MIAT: variants seen among roughly 807,000 people sequenced by gnomAD.
The protein encoded by MIAT is MI related novel mRNA.
intron 2 of MIAT, among the ~76,000 whole-genome samples, chr22:26,660,493 A>G (rs1016721173): frequency 6.6e-6 from 1 of 151,808 alleles, no homozygotes; most frequent in Non-Finnish European, 1.5e-5. Context: ...AAGAAGAAGA[A>G]GAAAAGAAAT....
intron 2 of MIAT, among the ~76,000 whole-genome samples, chr22:26,656,924 AAAT>A (rs749827398): frequency 1.3e-5 from 2 of 152,172 alleles, no homozygotes; most frequent in Non-Finnish European, 2.9e-5. Context: ...CAATAAGAAT[AAAT>A]AATAATAAAA....
chr22:26,663,200 G>C (rs1930732457), intron 2 of MIAT: 3 of 396,244 alleles, frequency 7.6e-6, no homozygotes, highest in Non-Finnish European at 1.3e-5. Context: ...TGCATCCAAG[G>C]AGATCAGTTT....
At chr22:26,666,123 G>A in exon 4 of MIAT, 1 of 398,634 alleles carries the variant, frequency 2.5e-6, no homozygotes, top group Non-Finnish European at 4.4e-6. Flanking sequence ...CCACTCCCGG[G>A]TGCTGACAGC....
chr22:26,648,097 C>A (rs1379947732), intron 2 of MIAT, among the ~76,000 whole-genome samples: 1 of 152,118 alleles, frequency 6.6e-6, no homozygotes, highest in Non-Finnish European at 1.5e-5. Context: ...GGGAAGGCAG[C>A]CGCTGTGCTG....
At chr22:26,648,890 A>AGAGAGAGAGAGAGT (rs1930287069) in intron 2 of MIAT, among the ~76,000 whole-genome samples, 1 of 149,328 alleles carries the variant, frequency 6.7e-6, no homozygotes, top group Admixed American at 6.7e-5. Context: ...TGAGAGAGAA[A>AGAGAGAGAGAGAGT]GAGAGAGAGA....
downstream of MIAT, chr22:26,670,641 A>C: frequency 2.5e-6 from 1 of 396,486 alleles, no homozygotes. Context: ...GTTCTAATTC[A>C]AATTCCGCTG....
At chr22:26,648,841 A>G (rs1267704792) in intron 2 of MIAT, among the ~76,000 whole-genome samples, 1 of 152,142 alleles carries the variant, frequency 6.6e-6, no homozygotes, top group Non-Finnish European at 1.5e-5. Flanking sequence ...CTAACCAGGT[A>G]TAAGAACTCT....
At chr22:26,661,486 T>A (rs5752377) in intron 2 of MIAT, among the ~76,000 whole-genome samples, 26,251 of 151,950 alleles carry the variant, frequency 0.17, 2,535 homozygotes, top group South Asian at 0.31. Flanking sequence ...AGATGATGAG[T>A]AGTAACTAAC....
chr22:26,664,629 T>C (rs544295002), intron 3 of MIAT, among the ~76,000 whole-genome samples: 7 of 152,356 alleles, frequency 4.6e-5, no homozygotes, highest in African/African-American at 1.7e-4. Context: ...GCCTAGCTTC[T>C]TTCCCTCAGC....
chr22:26,668,680 C>T (rs912275118), exon 6 of MIAT: 7 of 399,106 alleles, frequency 1.8e-5, no homozygotes, highest in Non-Finnish European at 2.6e-5. Flanking sequence ...TGCAGCTCCT[C>T]GGGTGCCGCT....
At chr22:26,670,814 G>A (rs1158824721), downstream of MIAT, 4 of 398,440 alleles carry the variant, frequency 1.0e-5, no homozygotes, top group Admixed American at 8.8e-5. Flanking sequence ...GCTAGGCTGG[G>A]GTTTCTATGG....
At chr22:26,659,841 T>TTTTTC (rs1555948496) in intron 2 of MIAT, among the ~76,000 whole-genome samples, 2 of 73,364 alleles carry the variant, frequency 2.7e-5, no homozygotes, top group Non-Finnish European at 5.7e-5. Context: ...TCTTTCTTTC[T>TTTTTC]TTTTTTTTTT....
downstream of MIAT, chr22:26,670,031 G>A (rs1234165925): frequency 5.0e-6 from 2 of 397,916 alleles, no homozygotes; most frequent in African/African-American, 2.1e-5. Flanking sequence ...CCATCCATCT[G>A]GGAGTATAGA....
chr22:26,656,380 A>G (rs1198434417), intron 2 of MIAT, among the ~76,000 whole-genome samples: 1 of 148,020 alleles, frequency 6.8e-6, no homozygotes, highest in African/African-American at 2.5e-5. Flanking sequence ...GCTAGAGTAC[A>G]GTGGCGCGAC....
intron 4 of MIAT, chr22:26,666,960 G>T (rs531924540): frequency 2.9e-6 from 1 of 343,682 alleles, no homozygotes; most frequent in Non-Finnish European, 5.3e-6. Flanking sequence ...GGGATGTGGG[G>T]AGGGAGGGAG....
At chr22:26,650,229 A>G (rs1450988531) in intron 2 of MIAT, 2 of 152,250 alleles carry the variant, frequency 1.3e-5, no homozygotes, top group Non-Finnish European at 2.9e-5. Context: ...TTGTGTGTGC[A>G]CAGAGAAAAG....
At chr22:26,671,549 C>A, downstream of MIAT, 1 of 398,782 alleles carries the variant, frequency 2.5e-6, no homozygotes, top group Non-Finnish European at 4.4e-6. Flanking sequence ...ATCCTACTAA[C>A]TGTGCAGCTC....
At chr22:26,671,764 C>T, downstream of MIAT, 1 of 398,388 alleles carries the variant, frequency 2.5e-6, no homozygotes, top group Non-Finnish European at 4.4e-6. Flanking sequence ...AATGCGAGTT[C>T]TGATACCTTA....
At chr22:26,647,311 A>G in exon 2 of MIAT, 1 of 250,312 alleles carries the variant, frequency 4.0e-6, no homozygotes, top group Non-Finnish European at 7.6e-6. Context: ...GCGACAAAAA[A>G]GTAGGCTTCT....
Sources: gnomAD v4.1 joint callset for allele counts (sites outside exome capture counted in the v4.1 genomes callset) on GRCh38, gnomAD v4.1.1 for gene constraint, MANE v1.5 for transcripts, NCBI Gene and HGNC (gene_info 2026-07-23, HGNC 2026-07-21) for gene names.